The following CUX1 variants were observed in gnomAD, a reference collection of about 807,000 sequenced individuals.
CUX1 encodes protein CASP.
CUX1 carries 31 observed loss-of-function variants against 158.8 expected under a neutral mutation model. The ratio of observed to expected loss-of-function variants is 0.20; its 90% confidence interval spans 0.15 to 0.26. The LOEUF is 0.26. Ranked by LOEUF, CUX1 falls within the 10% of genes least tolerant of loss-of-function variation. The probability of loss-of-function intolerance (pLI) is 1.00; values close to 1 mark genes in which losing one functional copy is unlikely to be tolerated. For synonymous variants in CUX1, 879 were observed against 862.1 expected, an observed-to-expected ratio of 1.02 and a Z score of -0.34; for missense variants, 1,589 against 2,014.6, an observed-to-expected ratio of 0.79 and a Z score of 4.04.
At chr7:102,148,731 TACTC>T (rs1835290005) in intron 8 of CUX1, among the ~76,000 whole-genome samples, 1 of 148,966 alleles carries the variant, frequency 6.7e-6, no homozygotes, top group African/African-American at 2.4e-5. Flanking sequence ...TATTATATAT[TACTC>T]AAGAACATGA....
At chr7:101,988,860 G>A (rs974726076) in intron 2 of CUX1, among the ~76,000 whole-genome samples, 1 of 152,040 alleles carries the variant, frequency 6.6e-6, no homozygotes, top group African/African-American at 2.4e-5. Flanking sequence ...TTAGCCAAGT[G>A]TGGTGGCATG....
chr7:102,253,779 C>T lies in CUX1; in HGVS notation c.*4737C>T, dbSNP rs1236966101. On this transcript the variant is annotated 3_prime_UTR_variant, in exon 24 of 24. Transcript: ENST00000292535. ...AGGCCGACAAGCCAGCTGTACAGGG[C>T]GAGATGTAGCAACACGGGGCATGAG... The T allele has an allele frequency of 5.1e-6, 5 of 985,392 alleles. No individual in the cohort carries two copies. Among genetic ancestry groups the T allele is most frequent in the Non-Finnish European group, 6.0e-6 (5 of 830,008 alleles). The allele number at this position is 985,392 out of a possible 1,614,324, so 61.0% of individuals were successfully genotyped here. A position where few individuals can be genotyped will look rare whatever the true frequency, so the allele number is the denominator to read the frequency against.
intron 2 of CUX1, among the ~76,000 whole-genome samples, chr7:101,991,821 C>T (rs145137279): frequency 1.1e-3 from 163 of 151,498 alleles, no homozygotes; most frequent in African/African-American, 3.8e-3. Flanking sequence ...TAGTCCCAGC[C>T]ACTCAGGAGG....
At chr7:101,834,721 T>C (rs1794439704) in intron 1 of CUX1, among the ~76,000 whole-genome samples, 1 of 152,038 alleles carries the variant, frequency 6.6e-6, no homozygotes, top group Non-Finnish European at 1.5e-5. Context: ...TTTCCAAAGT[T>C]TAAAATTCTG....
intron 18 of CUX1, 23 bp from the exon 19 acceptor site, chr7:102,204,345 GCTAATAGCCAGGCACTGATGGCC>G (rs782444346): frequency 1.2e-6 from 2 of 1,603,702 alleles, no homozygotes; most frequent in Admixed American, 3.3e-5. Flanking sequence ...GTGGTGTCAT[GCTAATAGCCAGGCACTGATGGCC>G]TGTGTGTTCG....
At chr7:102,147,386 G>A (rs557387948) in intron 8 of CUX1, among the ~76,000 whole-genome samples, 1 of 152,288 alleles carries the variant, frequency 6.6e-6, no homozygotes, top group South Asian at 2.1e-4. Context: ...ATCCGTGTTG[G>A]GCACGGGGAT....
At chr7:102,087,003 A>C (rs381145) in intron 4 of CUX1, among the ~76,000 whole-genome samples, 34,239 of 151,942 alleles carry the variant, frequency 0.23, 4,616 homozygotes, top group African/African-American at 0.38. Flanking sequence ...ATTTTTCTAT[A>C]CTTTTACTAT....
intron 22 of CUX1, among the ~76,000 whole-genome samples, chr7:102,235,794 A>G (rs1395745405): frequency 1.8e-5 from 2 of 111,424 alleles, no homozygotes; most frequent in African/African-American, 3.7e-5. Context: ...ACACACACAC[A>G]CACACGCGCA....
At chr7:101,939,278 C>A (rs1043497387) in intron 2 of CUX1, among the ~76,000 whole-genome samples, 1 of 151,602 alleles carries the variant, frequency 6.6e-6, no homozygotes, top group South Asian at 2.1e-4. Context: ...TCGAGTCTGG[C>A]TTCTTTCACT....
intron 2 of CUX1, among the ~76,000 whole-genome samples, chr7:101,952,212 G>C (rs369251731): frequency 6.6e-6 from 1 of 151,928 alleles, no homozygotes; most frequent in South Asian, 2.1e-4. Flanking sequence ...GCGAGACCCC[G>C]TCTCTACAAA....
rs1447248802 is a variant in CUX1 at position 102,256,014 on chromosome 7, C to T, written c.*6972C>T. 1 of 985,366 alleles carries T rather than the reference C, an allele frequency of 1.0e-6. No homozygotes were observed. The highest frequency in any genetic ancestry group is 1.2e-6 in the Non-Finnish European group (1 of 829,958). The allele number at this position is 985,366 out of a possible 1,614,324, so 61.0% of individuals were successfully genotyped here. A position where few individuals can be genotyped will look rare whatever the true frequency, so the allele number is the denominator to read the frequency against. ...TTCAGGTTATGAATGAGTTTGTTCACTGTAGTTCCGTTTGTTCATGAACCG... is the reference window on the plus strand; with the variant it reads ...TTCAGGTTATGAATGAGTTTGTTCATTGTAGTTCCGTTTGTTCATGAACCG... On this transcript the variant is annotated 3_prime_UTR_variant, in exon 24 of 24. Coordinates refer to ENST00000292535, the MANE Select transcript of CUX1 (RefSeq NM_181552.4).
chr7:102,019,578 C>T (rs1226751478), intron 2 of CUX1, among the ~76,000 whole-genome samples: 6 of 152,082 alleles, frequency 3.9e-5, no homozygotes, highest in Non-Finnish European at 8.8e-5. Flanking sequence ...TCAGGGGTCC[C>T]CACCTGCAGC....
rs1586454446 is a variant in CUX1, at chr7:102,252,913, C to T, written c.*3871C>T. ...GGCATGAGGCAGCTTCTAAGCGTCTCCTGGGACAGGATTGGGGTGACAGCC... is the reference window on the plus strand; with the variant it reads ...GGCATGAGGCAGCTTCTAAGCGTCTTCTGGGACAGGATTGGGGTGACAGCC... On this transcript the variant is annotated 3_prime_UTR_variant, in exon 24 of 24. Coordinates refer to ENST00000292535, the MANE Select transcript of CUX1 (RefSeq NM_181552.4). 1.0e-6 allele frequency: 1 copy of T among 985,364 alleles called. No individual in the cohort carries two copies. The highest frequency in any genetic ancestry group is 1.7e-5 in the African/African-American group (1 of 57,240). The allele number at this position is 985,364 out of a possible 1,614,324, so 61.0% of individuals were successfully genotyped here. A position where few individuals can be genotyped will look rare whatever the true frequency, so the allele number is the denominator to read the frequency against.
intron 1 of CUX1, among the ~76,000 whole-genome samples, chr7:101,878,477 G>A (rs749002825): frequency 5.9e-5 from 9 of 152,280 alleles, no homozygotes; most frequent in South Asian, 2.1e-4. Flanking sequence ...GGGGAATGTC[G>A]TAGTAGCCGG....
intron 2 of CUX1, chr7:101,961,881 A>AG (rs1810544378): frequency 6.6e-6 from 1 of 152,084 alleles, no homozygotes; most frequent in Non-Finnish European, 1.5e-5. Flanking sequence ...ATCTCAAAAA[A>AG]AAAAAAAAAA....
At chr7:101,874,721 A>G (rs1413925831) in intron 1 of CUX1, among the ~76,000 whole-genome samples, 1 of 152,210 alleles carries the variant, frequency 6.6e-6, no homozygotes, top group Non-Finnish European at 1.5e-5. Flanking sequence ...CTCAGGGGAA[A>G]CAGATGGGGA....
intron 1 of CUX1, among the ~76,000 whole-genome samples, chr7:101,911,171 G>A (rs1803389374): frequency 1.3e-5 from 2 of 152,298 alleles, no homozygotes; most frequent in African/African-American, 4.8e-5. Context: ...GACTGCCTGG[G>A]CCTGGGCCTG....
intron 1 of CUX1, among the ~76,000 whole-genome samples, chr7:101,888,299 C>T (rs539380496): frequency 6.6e-6 from 1 of 152,098 alleles, no homozygotes; most frequent in East Asian, 1.9e-4. Flanking sequence ...CCACTGCACT[C>T]CAGCCTGGGT....
At chr7:102,034,849 A>G (rs1160435464) in intron 3 of CUX1, among the ~76,000 whole-genome samples, 1 of 151,832 alleles carries the variant, frequency 6.6e-6, no homozygotes, top group South Asian at 2.1e-4. Context: ...CAGGAGAATC[A>G]CTTGAACCCA....
Sources: gnomAD v4.1 joint callset for allele counts (sites outside exome capture counted in the v4.1 genomes callset) on GRCh38, gnomAD v4.1.1 for gene constraint, MANE v1.5 for transcripts, NCBI Gene and HGNC (gene_info 2026-07-23, HGNC 2026-07-21) for gene names.